ATP2A3: variants seen among roughly 807,000 people sequenced by gnomAD.
The protein encoded by ATP2A3 is sarcoplasmic/endoplasmic reticulum calcium ATPase 3.
A neutral mutation model predicts 106.8 loss-of-function variants in ATP2A3; 61 were observed. That is an observed-to-expected ratio of 0.57 (90% CI 0.46 to 0.71). The LOEUF is 0.71. ATP2A3 is among the 30% of genes least tolerant of loss of function. ATP2A3 has a pLI of 0.00. For synonymous variants in ATP2A3, 611 were observed against 609.3 expected, an observed-to-expected ratio of 1.00 and a Z score of -0.04; for missense variants, 1,201 against 1,423.5, an observed-to-expected ratio of 0.84 and a Z score of 2.52.
At chr17:3,948,042 G>A (rs1219229162) in intron 7 of ATP2A3, among the ~76,000 whole-genome samples, 187 bp from the exon 8 acceptor site, 2 of 152,220 alleles carry the variant, frequency 1.3e-5, no homozygotes, top group Non-Finnish European at 2.9e-5. Context: ...CCATGAGAGT[G>A]TCAGCTCTAG....
chr17:3,925,906 T>C lies in ATP2A3; in HGVS notation c.2981-465A>G, dbSNP rs1449060280. 1.3e-5 allele frequency among the ~76,000 whole-genome samples: 2 copies of C among 150,730 alleles called. No homozygotes were observed. The highest frequency in any genetic ancestry group is 3.0e-5 in the Non-Finnish European group (2 of 67,694). On this transcript the variant is annotated intron_variant, in intron 20 of 20. Transcript: ENST00000397041. This position sits in a 1 kb window ranked among gnomAD's most constrained non-coding sequence, Gnocchi z 4.2. ...CAGCCCCAGTCTTACCGTCCCATCA[T>C]ACTTCTGCCCCTAGCATCAAGCAAA...
Position 3,930,429 on chromosome 17 carries a change from G to A in ATP2A3, c.2616C>T (p.Asn872=), listed in dbSNP as rs781581788. ...GPHINFYQLR[N]FLKCSEDNPL... is the part of the protein sequence containing the mutation. ...GGTTGTCTTCGGAGCACTTCAGGAA[G>A]TTCCTCTGGGGGCACCGTGGCAGGT... Residue 872 remains asparagine, a synonymous_variant, in exon 18 of 21, where the codon AAC becomes AAT. Transcript: ENST00000397041. This position sits in a 1 kb window ranked among gnomAD's most constrained non-coding sequence, Gnocchi z 5.4. 5 of 1,613,966 alleles carry A rather than the reference G, an allele frequency of 3.1e-6. No individual in the cohort carries two copies. The highest frequency in any genetic ancestry group is 3.4e-6 in the Non-Finnish European group (4 of 1,180,010).
rs1160271989 is a variant in ATP2A3, at chr17:3,950,716, C to T, written c.521G>A (p.Arg174Gln). 18 of 1,613,998 alleles carry T rather than the reference C, an allele frequency of 1.1e-5. No homozygotes were observed. Among genetic ancestry groups the T allele is most frequent in the Middle Eastern group, 1.7e-4 (1 of 6,048 alleles). ...ACCCGTCAGGATGGACTGGTCCACT[C>T]GCAGCGTGGTGGACTTGATCTCGAT... ...RLIEIKSTTL[R>Q]VDQSILTGES... Residue 174 changes from arginine to glutamine, a missense_variant, in exon 6 of 21, where the codon CGA becomes CAA. Arg to Gln is a conservative substitution (Grantham distance 43). Coordinates refer to ENST00000397041, the MANE Select transcript of ATP2A3 (RefSeq NM_005173.4).
At chr17:3,961,478 T>C (rs1435360195) in intron 1 of ATP2A3, among the ~76,000 whole-genome samples, 1 of 133,080 alleles carries the variant, frequency 7.5e-6, no homozygotes, top group African/African-American at 2.8e-5. Context: ...CTGCCGAGGC[T>C]CCCCAGCTCT....
intron 5 of ATP2A3, 60 bp downstream of exon 5, chr17:3,951,188 AAAT>A: frequency 8.5e-7 from 1 of 1,179,470 alleles, no homozygotes; most frequent in Non-Finnish European, 1.1e-6. Context: ...ATAAATAAAT[AAAT>A]AAATAAAATA....
rs1248333210 is a variant in ATP2A3 at position 3,955,883 on chromosome 17, TTTTA to T, written c.119-2177_119-2174del. ...TTCTCCTTTCTCTTATTTTATTTTA[TTTTA>T]TTTTTTTTTTTTGAGATGGAGTCTT... On this transcript the variant is annotated intron_variant, in intron 1 of 20. Transcript: ENST00000397041. This position sits in a 1 kb window ranked among gnomAD's most constrained non-coding sequence, Gnocchi z 4.2. Among the ~76,000 whole-genome samples the T allele has an allele frequency of 6.3e-5, 9 of 142,322 alleles. No individual in the cohort carries two copies. Among genetic ancestry groups the T allele is most frequent in the African/African-American group, 1.0e-4 (4 of 39,254 alleles). The allele number at this position is 142,322 out of a possible 152,430, so 93.4% of individuals were successfully genotyped here.
chr17:3,929,246 G>A lies in ATP2A3; in HGVS notation c.2862+82C>T. The A allele has an allele frequency of 7.8e-7, 1 of 1,286,446 alleles. No individual in the cohort carries two copies. The highest frequency in any genetic ancestry group is 1.1e-6 in the Non-Finnish European group (1 of 920,488). 79.7% of individuals were successfully genotyped at this position (1,286,446 alleles called of 1,614,324 possible). ...TCTCCTCCAGGTAGTTTCCATTGCA[G>A]GGGGGCCAGAGAGGTCCAGTGACCA... On this transcript the variant is annotated intron_variant, in intron 19 of 20. Coordinates refer to ENST00000397041, the MANE Select transcript of ATP2A3 (RefSeq NM_005173.4). The surrounding 1 kb of genome is among the most constrained non-coding windows in gnomAD (Gnocchi z 4.3).
chr17:3,929,875 A>C lies in ATP2A3; in HGVS notation c.2744+426T>G, dbSNP rs55990044. 6.7e-6 allele frequency among the ~76,000 whole-genome samples: 1 copy of C among 150,112 alleles called. No homozygotes were observed. The highest frequency in any genetic ancestry group is 6.6e-5 in the Admixed American group (1 of 15,126). On this transcript the variant is annotated intron_variant, in intron 18 of 20. Coordinates refer to ENST00000397041, the MANE Select transcript of ATP2A3 (RefSeq NM_005173.4). This position sits in a 1 kb window ranked among gnomAD's most constrained non-coding sequence, Gnocchi z 4.3. ...GTCCTGGACTCCCCTGACCCCTGGA[A>C]CCCAATCCTGGACCCTTGACCCTCT...
intron 1 of ATP2A3, among the ~76,000 whole-genome samples, chr17:3,958,834 ACACACAC>A (rs2054961528): frequency 7.5e-6 from 1 of 133,400 alleles, no homozygotes; most frequent in Non-Finnish European, 1.6e-5. Context: ...ATATATATAC[ACACACAC>A]ATATATAAAT....
chr17:3,933,114 T>A (rs2053208893), intron 17 of ATP2A3, among the ~76,000 whole-genome samples: 1 of 151,228 alleles, frequency 6.6e-6, no homozygotes, highest in Non-Finnish European at 1.5e-5. Context: ...AAACTCCATC[T>A]CTACAAAAAT....
chr17:3,947,443 A>C lies in ATP2A3; in HGVS notation c.1043T>G (p.Ile348Ser), dbSNP rs747129251. Residue 348 changes from isoleucine (I) to serine (S), a missense_variant, in exon 8 of 21, where the codon ATC (isoleucine) becomes AGC (serine). Ile to Ser is a moderately radical substitution (Grantham distance 142). Around this residue, in one of 2 missense-constraint regions of ATP2A3, gnomAD observed 935 missense variants for 1,176.7 expected, o/e 0.79. Transcript: ENST00000397041. This position sits in a 1 kb window ranked among gnomAD's most constrained non-coding sequence, Gnocchi z 7.7. ...GAGCGTGCCCGTCTTGTCGGAGCAG[A>C]TGACTGAGGTGCAGCCCAGGGTCTC... is the stretch of plus-strand genomic sequence containing the variant. Reference protein sequence around the residue: ...SVETLGCTSVICSDKTGTLTT... With the variant: ...SVETLGCTSVSCSDKTGTLTT... 1.2e-6 allele frequency: 2 copies of C among 1,613,896 alleles called. No individual in the cohort carries two copies. Among genetic ancestry groups the C allele is most frequent in the Non-Finnish European group, 1.7e-6 (2 of 1,180,026 alleles).
intron 15 of ATP2A3, 42 bp downstream of exon 15, chr17:3,937,374 A>T (rs1367305789): frequency 6.3e-7 from 1 of 1,591,342 alleles, no homozygotes; most frequent in Non-Finnish European, 8.6e-7. Flanking sequence ...AGGGGCACAG[A>T]GCGGATTGAG....
Position 3,955,887 on chromosome 17 carries a change from A to ATTTTAT in ATP2A3, c.119-2178_119-2177insATAAAA, listed in dbSNP as rs755736198. ...CCTTTCTCTTATTTTATTTTATTTT[A>ATTTTAT]TTTTTTTTTTTTGAGATGGAGTCTT... On this transcript the variant is annotated intron_variant, in intron 1 of 20. Transcript: ENST00000397041. This position sits in a 1 kb window ranked among gnomAD's most constrained non-coding sequence, Gnocchi z 4.2. Among the ~76,000 whole-genome samples, 119 of 144,026 alleles carry ATTTTAT rather than the reference A, an allele frequency of 8.3e-4. 1 individual carries two copies. Among genetic ancestry groups the ATTTTAT allele is most frequent in the African/African-American group, 3.0e-3 (111 of 37,626 alleles). The allele number at this position is 144,026 out of a possible 152,430, so 94.5% of individuals were successfully genotyped here. A position where few individuals can be genotyped will look rare whatever the true frequency, so the allele number is the denominator to read the frequency against.
chr17:3,935,050 C>T (rs2053351660), intron 17 of ATP2A3, 142 bp downstream of exon 17: 8 of 919,486 alleles, frequency 8.7e-6, no homozygotes, highest in South Asian at 7.0e-5. Flanking sequence ...GAGCTCGGCT[C>T]CCCAGGTGGG....
At chr17:3,945,176 G>C (rs976824876) in intron 8 of ATP2A3, 28 bp from the exon 9 acceptor site, 13 of 1,537,150 alleles carry the variant, frequency 8.5e-6, no homozygotes, top group African/African-American at 4.1e-5. Context: ...GTGCTTAGGC[G>C]GGCGGGGTCG....
rs17846878 is a variant in ATP2A3 at position 3,951,674 on chromosome 17, C to G, written c.231G>C (p.Trp77Cys). The G allele has an allele frequency of 1.2e-6, 2 of 1,608,842 alleles. No individual in the cohort carries two copies. Among genetic ancestry groups the G allele is most frequent in the African/African-American group, 1.3e-5 (1 of 74,948 alleles). Residue 77 changes from tryptophan to cysteine, a missense_variant, in exon 4 of 21, where the codon TGG becomes TGC. Coordinates refer to ENST00000397041, the MANE Select transcript of ATP2A3 (RefSeq NM_005173.4). ...LAALVSFVLA[W>C]FEEGEETTTA... ...TCGTGGTCTCCTCGCCCTCCTCGAA[C>G]CAGGCCAGGACCTGCAGGATCACAG...
intron 10 of ATP2A3, among the ~76,000 whole-genome samples, chr17:3,944,416 AT>A (rs1007184945): frequency 2.0e-5 from 3 of 151,318 alleles, no homozygotes; most frequent in African/African-American, 7.3e-5. Flanking sequence ...TGCTTTCAAC[AT>A]TTTCTTGGTC....
chr17:3,946,040 T>A (rs1342359437), intron 8 of ATP2A3, among the ~76,000 whole-genome samples: 2 of 148,270 alleles, frequency 1.3e-5, no homozygotes, highest in African/African-American at 5.0e-5. Context: ...GAGGTCAAGC[T>A]TGATTGAGAC....
chr17:3,956,195 T>C (rs560133928), intron 1 of ATP2A3, among the ~76,000 whole-genome samples: 1 of 152,288 alleles, frequency 6.6e-6, no homozygotes, highest in African/African-American at 2.4e-5. Flanking sequence ...TTCACCTTTC[T>C]CTACCTGTCT....
Sources: allele counts gnomAD v4.1 joint callset (sites outside exome capture counted in the v4.1 genomes callset), GRCh38; gene constraint gnomAD v4.1.1; regional missense constraint gnomAD v4.1.1; non-coding constraint Gnocchi (gnomAD v3.1); transcripts MANE v1.5; gene names NCBI Gene and HGNC (gene_info 2026-07-23, HGNC 2026-07-21).